The following KDM4A variants were observed in gnomAD, a reference collection of about 807,000 sequenced individuals.
KDM4A encodes lysine demethylase 4A, also known as lysine-specific demethylase 4A.
A neutral mutation model predicts 127.1 loss-of-function variants in KDM4A; 23 were observed. The observed-to-expected ratio is 0.18, with a 90% CI of 0.13 to 0.26. KDM4A has a LOEUF of 0.26. KDM4A is among the 10% of genes least tolerant of loss of function. KDM4A has a pLI of 1.00. For synonymous variants in KDM4A, 443 were observed against 466.5 expected (o/e 0.95, Z 0.65); for missense variants, 890 against 1,329.1 (o/e 0.67, Z 5.14).
In KDM4A at chr1:43,694,961, C is replaced by T; in HGVS notation, c.2670+67C>T. 1.4e-6 allele frequency: 2 copies of T among 1,429,914 alleles called. No individual in the cohort carries two copies. Among genetic ancestry groups the T allele is most frequent in the South Asian group, 1.3e-5 (1 of 77,448 alleles). The allele number at this position is 1,429,914 out of a possible 1,614,324, so 88.6% of individuals were successfully genotyped here. A position where few individuals can be genotyped will look rare whatever the true frequency, so the allele number is the denominator to read the frequency against. On this transcript the variant is annotated intron_variant, in intron 18 of 21. Coordinates refer to ENST00000372396, the MANE Select transcript of KDM4A (RefSeq NM_014663.3). This position sits in a 1 kb window ranked among gnomAD's most constrained non-coding sequence, Gnocchi z 5.2. The stretch of plus-strand genomic sequence containing the variant: ...ATGGTCATTTTCTCTGCATGTTTTC[C>T]ATTTGTTGTATCAGCAACTATTTCC...
intron 19 of KDM4A, among the ~76,000 whole-genome samples, chr1:43,702,992 C>A (rs1661441235): frequency 6.6e-6 from 1 of 151,784 alleles, no homozygotes; most frequent in African/African-American, 2.4e-5. Context: ...GATCAGGCCA[C>A]TGTATTCCAG....
At position 43,665,717 on chromosome 1, in the gene KDM4A, T is replaced by C. The variant is rs1660486451; in HGVS notation, c.645T>C (p.His215=). 6.2e-7 allele frequency: 1 copy of C among 1,614,044 alleles called. No homozygotes were observed. The highest frequency in any genetic ancestry group is 1.3e-5 in the African/African-American group (1 of 74,934). The stretch of plus-strand genomic sequence containing the variant: ...GCAGGTACTCTGTTCCACCTGAGCA[T>C]GGAAAGCGGTTGGAACGCCTCGCCA... ...PKSWYSVPPE[H]GKRLERLAKG... The change falls in exon 6 of 22, where the codon CAT becomes CAC. Residue 215 remains histidine (H), a synonymous_variant. Coordinates refer to ENST00000372396, the MANE Select transcript of KDM4A (RefSeq NM_014663.3).
chr1:43,661,631 A>AAAG lies in KDM4A; in HGVS notation c.429+1221_429+1222insGAA, dbSNP rs1660383065. On this transcript the variant is annotated intron_variant, in intron 4 of 21. Coordinates refer to ENST00000372396, the MANE Select transcript of KDM4A (RefSeq NM_014663.3). Reference sequence around the variant, plus strand: ...CTCAAAAAAAAAAAAAAAAAAAAAAAAAAAAAAAAGAATTCCAGTTTTGTT... The same window carrying AAAG: ...CTCAAAAAAAAAAAAAAAAAAAAAAAAAGAAAAAAAAAGAATTCCAGTTTTGTT... Among the ~76,000 whole-genome samples, 2 of 130,940 alleles carry AAAG rather than the reference A, an allele frequency of 1.5e-5. 1 individual carries two copies. The highest frequency in any genetic ancestry group is 4.6e-4 in the South Asian group (2 of 4,314). 85.9% of individuals were successfully genotyped at this position (130,940 alleles called of 152,430 possible).
chr1:43,694,612 GC>G lies in KDM4A; in HGVS notation c.2485-96del, dbSNP rs1300482235. The G allele has an allele frequency of 1.9e-6, 2 of 1,039,696 alleles. No individual in the cohort carries two copies. The highest frequency in any genetic ancestry group is 3.9e-5 in the Admixed American group (2 of 51,334). 64.4% of individuals were successfully genotyped at this position (1,039,696 alleles called of 1,614,324 possible). A position where few individuals can be genotyped will look rare whatever the true frequency, so the allele number is the denominator to read the frequency against. On this transcript the variant is annotated intron_variant, in intron 17 of 21. Transcript: ENST00000372396. This position sits in a 1 kb window ranked among gnomAD's most constrained non-coding sequence, Gnocchi z 5.2. ...GTCCTTGTATTTTGGGAAGGGGCTGGCTCTTGCTTGCTTGGCTTTGCATTTG... is the reference window on the plus strand; with the variant it reads ...GTCCTTGTATTTTGGGAAGGGGCTGGTCTTGCTTGCTTGGCTTTGCATTTG...
rs3215843 is a variant in KDM4A, at chr1:43,660,291, CA to C, written c.315-2del. ...TGGTTTACATGTTTCTTTTTACTTT[CA>C]AAAAGGTACTGTACCCCACGCTATA... On this transcript the variant is annotated splice_region_variant and splice_polypyrimidine_tract_variant and intron_variant, in intron 3 of 21. Coordinates refer to ENST00000372396, the MANE Select transcript of KDM4A (RefSeq NM_014663.3). 681,261 of 1,612,436 alleles carry C rather than the reference CA, an allele frequency of 0.42. 151,032 individuals carry two copies. The highest frequency in any genetic ancestry group is 0.81 in the African/African-American group (60,309 of 74,864).
In KDM4A at chr1:43,660,401, C is replaced by T. The variant is rs1423123711; in HGVS notation, c.418C>T (p.Leu140Phe). Reference sequence around the variant, plus strand: ...CTATGGTGCAGATGTGAATGGTACCCTCTATGAAAAGGTGAGGCTCACTGG... The same window carrying T: ...CTATGGTGCAGATGTGAATGGTACCTTCTATGAAAAGGTGAGGCTCACTGG... Reference protein sequence around the residue: ...PIYGADVNGTLYEKHVDEWNI... With the variant: ...PIYGADVNGTFYEKHVDEWNI... Residue 140 changes from leucine to phenylalanine, a missense_variant, in exon 4 of 22, where the codon CTC becomes TTC. Physicochemically the swap from Leu to Phe is conservative, Grantham distance 22. This residue lies in a region of KDM4A where 141 missense variants were observed against 273.5 expected (regional missense o/e 0.52). Coordinates refer to ENST00000372396, the MANE Select transcript of KDM4A (RefSeq NM_014663.3). 6 of 1,602,972 alleles carry T rather than the reference C, an allele frequency of 3.7e-6. No homozygotes were observed. The highest frequency in any genetic ancestry group is 5.1e-6 in the Non-Finnish European group (6 of 1,173,728).
At chr1:43,665,905 G>A (rs1172852617) in intron 6 of KDM4A, among the ~76,000 whole-genome samples, 160 bp downstream of exon 6, 2 of 152,136 alleles carry the variant, frequency 1.3e-5, no homozygotes, top group African/African-American at 4.8e-5. Flanking sequence ...GGGCAGTGAC[G>A]GAGCCTTTTC....
chr1:43,690,978 C>T lies in KDM4A; in HGVS notation c.2171C>T (p.Thr724Ile), dbSNP rs1188710584. Residue 724 changes from threonine to isoleucine, a missense_variant, in exon 14 of 22, where the codon ACT (threonine) becomes ATT (isoleucine). This residue lies in a region of KDM4A where 389 missense variants were observed against 485.9 expected (regional missense o/e 0.80). Coordinates refer to ENST00000372396, the MANE Select transcript of KDM4A (RefSeq NM_014663.3). ...TGCAGCACGGACATCAACCTTTCTA[C>T]TCCTTATCTTGAGGAGGATGGCACC... ...TGCSTDINLS[T>I]PYLEEDGTSI... The T allele has an allele frequency of 6.2e-7, 1 of 1,614,122 alleles. No individual in the cohort carries two copies. The highest frequency in any genetic ancestry group is 1.3e-5 in the African/African-American group (1 of 74,936).
chr1:43,704,486 A>C lies in KDM4A; in HGVS notation c.*116A>C. 1 of 1,148,080 alleles carries C rather than the reference A, an allele frequency of 8.7e-7. No homozygotes were observed. The allele number at this position is 1,148,080 out of a possible 1,614,324, so 71.1% of individuals were successfully genotyped here. A position where few individuals can be genotyped will look rare whatever the true frequency, so the allele number is the denominator to read the frequency against. On this transcript the variant is annotated 3_prime_UTR_variant, in exon 22 of 22. Coordinates refer to ENST00000372396, the MANE Select transcript of KDM4A (RefSeq NM_014663.3). ...AAAGTGAAGTTGTAAAAAGAAAAGG[A>C]ATGAAATAACCGACCCATCATCTTC...
At chr1:43,689,408 A>G (rs1208753088) in intron 13 of KDM4A, among the ~76,000 whole-genome samples, 2 of 152,200 alleles carry the variant, frequency 1.3e-5, no homozygotes, top group African/African-American at 2.4e-5. Context: ...ATTCCTGCCA[A>G]GTGGTTTATA....
chr1:43,704,162 A>G, intron 21 of KDM4A, 50 bp downstream of exon 21: 1 of 1,613,610 alleles, frequency 6.2e-7, no homozygotes, highest in Non-Finnish European at 8.5e-7. Flanking sequence ...GGAGGGAACA[A>G]GTCAAGGATG....
chr1:43,668,971 C>T, intron 9 of KDM4A, 129 bp from the exon 10 acceptor site: 1 of 823,948 alleles, frequency 1.2e-6, no homozygotes, highest in Admixed American at 2.3e-5. Context: ...TAAGAGGTGT[C>T]CCTGAGTTTT....
At chr1:43,661,451 A>T (rs1405574823) in intron 4 of KDM4A, among the ~76,000 whole-genome samples, 4 of 150,012 alleles carry the variant, frequency 2.7e-5, no homozygotes, top group East Asian at 2.0e-4. Flanking sequence ...TACTAAAAAT[A>T]AAAAAAAAGT....
In KDM4A at chr1:43,703,902, AGTT is replaced by A. The variant is rs1661474355; in HGVS notation, c.2962-114_2962-112del. ...CAGTCTGCCAAATGTGAAGTAAGGT[AGTT>A]GTTATTTTAGTGTTCTAACTCCTTC... On this transcript the variant is annotated intron_variant, in intron 20 of 21. Transcript: ENST00000372396. 1.0e-5 allele frequency: 13 copies of A among 1,292,144 alleles called. 1 individual carries two copies. The South Asian group carries it at 1.6e-4, about 16-fold the overall frequency. 80.0% of individuals were successfully genotyped at this position (1,292,144 alleles called of 1,614,324 possible). A position where few individuals can be genotyped will look rare whatever the true frequency, so the allele number is the denominator to read the frequency against.
chr1:43,658,958 GTT>G (rs58811976), intron 3 of KDM4A, among the ~76,000 whole-genome samples: 1 of 145,702 alleles, frequency 6.9e-6, no homozygotes, highest in Non-Finnish European at 1.5e-5. Flanking sequence ...TCTAAAAGAA[GTT>G]TTTTTTTTTT....
At chr1:43,666,880 T>C in intron 7 of KDM4A, 74 bp from the exon 8 acceptor site, 2 of 1,482,228 alleles carry the variant, frequency 1.3e-6, no homozygotes, top group Non-Finnish European at 1.9e-6. Context: ...AGCTAAGTTG[T>C]GGTGGAGCTC....
In KDM4A at chr1:43,663,110, A is replaced by T. The variant is rs144323171; in HGVS notation, c.623+23A>T. 1,776 of 1,600,008 alleles carry T rather than the reference A, an allele frequency of 1.1e-3. 16 individuals are homozygous for T. The African/African-American group carries it at 0.021, about 19-fold the overall frequency. On this transcript the variant is annotated intron_variant, in intron 5 of 21. Transcript: ENST00000372396. ...CTGGTACAGTCTGCCTGCAGTCGGC[A>T]CCGGGCTTCTATGCTAGAGCACGGG...
chr1:43,654,984 G>A (rs1309286134), intron 2 of KDM4A, among the ~76,000 whole-genome samples: 5 of 151,812 alleles, frequency 3.3e-5, no homozygotes, highest in Admixed American at 2.6e-4. Context: ...CCAAATAGCC[G>A]GGATTATAGT....
chr1:43,663,376 G>C (rs1311779220), intron 5 of KDM4A, among the ~76,000 whole-genome samples: 2 of 152,010 alleles, frequency 1.3e-5, no homozygotes, highest in Non-Finnish European at 2.9e-5. Context: ...TTTTTTTTCT[G>C]AACAGGCCTG....
Sources: gnomAD v4.1 joint callset for allele counts (sites outside exome capture counted in the v4.1 genomes callset) on GRCh38, gnomAD v4.1.1 for gene constraint, gnomAD v4.1.1 regional missense constraint, Gnocchi (gnomAD v3.1) non-coding constraint, MANE v1.5 for transcripts, NCBI Gene and HGNC (gene_info 2026-07-23, HGNC 2026-07-21) for gene names.